CCDC7: variants seen among roughly 807,000 people sequenced by gnomAD.
CCDC7 encodes the protein coiled-coil domain-containing protein 7.
A neutral mutation model predicts 196.9 loss-of-function variants in CCDC7; 183 were observed. The observed-to-expected ratio is 0.93, with a 90% CI of 0.82 to 1.05. CCDC7 has a LOEUF of 1.05. CCDC7 is among the 50% of genes least tolerant of loss of function. CCDC7 has a pLI of 0.00. For synonymous variants in CCDC7, 525 were observed against 484.6 expected, an observed-to-expected ratio of 1.08 and a Z score of -1.10; for missense variants, 1,540 against 1,482.2, an observed-to-expected ratio of 1.04 and a Z score of -0.64.
chr10:32,650,514 A>G (rs2068557745), intron 20 of CCDC7, among the ~76,000 whole-genome samples: 1 of 152,114 alleles, frequency 6.6e-6, no homozygotes, highest in African/African-American at 2.4e-5. Context: ...TGGTGGTTAG[A>G]TCTTTTGGGC....
chr10:32,698,617 A>G (rs955469511), intron 24 of CCDC7, among the ~76,000 whole-genome samples: 1 of 151,810 alleles, frequency 6.6e-6, no homozygotes, highest in Admixed American at 6.6e-5. Context: ...ATTGAAGATC[A>G]AATGAATGAA....
chr10:32,849,373 C>A (rs551752098), intron 39 of CCDC7, among the ~76,000 whole-genome samples: 1 of 151,856 alleles, frequency 6.6e-6, no homozygotes, highest in African/African-American at 2.4e-5. Context: ...GTAGAGTGGG[C>A]CCATTCAGTA....
chr10:32,650,895 T>C (rs78207739), intron 20 of CCDC7, among the ~76,000 whole-genome samples: 11,478 of 152,190 alleles, frequency 0.075, 524 homozygotes, highest in East Asian at 0.16. Flanking sequence ...TACATTCTCT[T>C]ACGGGACAGT....
At chr10:32,640,396 G>A (rs1376627257) in intron 20 of CCDC7, among the ~76,000 whole-genome samples, 3 of 152,082 alleles carry the variant, frequency 2.0e-5, no homozygotes, top group Admixed American at 6.5e-5. Context: ...TTGAGCCTAT[G>A]TGTGTCTCTG....
intron 24 of CCDC7, among the ~76,000 whole-genome samples, chr10:32,710,266 T>A (rs2080600377): frequency 6.6e-6 from 1 of 152,216 alleles, no homozygotes; most frequent in Non-Finnish European, 1.5e-5. Flanking sequence ...CAAAGGGCTC[T>A]CCATTCGTTT....
chr10:32,513,608 A>G (rs1222504950), intron 9 of CCDC7: 2 of 152,168 alleles, frequency 1.3e-5, no homozygotes, highest in Non-Finnish European at 2.9e-5. Context: ...TTACCAAAAT[A>G]CTAGCAAACT....
At chr10:32,563,998 G>A (rs1165377758) in intron 13 of CCDC7, among the ~76,000 whole-genome samples, 1 of 152,058 alleles carries the variant, frequency 6.6e-6, no homozygotes, top group African/African-American at 2.4e-5. Flanking sequence ...AAGGACATGA[G>A]CAGACACTTC....
At chr10:32,568,832 A>G (rs1046826858) in intron 15 of CCDC7, among the ~76,000 whole-genome samples, 23 of 152,352 alleles carry the variant, frequency 1.5e-4, no homozygotes, top group African/African-American at 5.1e-4. Flanking sequence ...GCCATGCCGC[A>G]TTACAGTGAG....
At chr10:32,639,950 T>G (rs2066418579) in intron 20 of CCDC7, among the ~76,000 whole-genome samples, 1 of 152,174 alleles carries the variant, frequency 6.6e-6, no homozygotes, top group South Asian at 2.1e-4. Flanking sequence ...TAAGGAGTGC[T>G]TTACTTGCAA....
intron 8 of CCDC7, among the ~76,000 whole-genome samples, chr10:32,480,178 A>G (rs1413426519): frequency 6.6e-6 from 1 of 151,864 alleles, no homozygotes; most frequent in Non-Finnish European, 1.5e-5. Context: ...TGATTTTTCT[A>G]GTCTCTATTT....
At chr10:32,485,401 C>A (rs1349939562) in intron 8 of CCDC7, among the ~76,000 whole-genome samples, 1 of 152,082 alleles carries the variant, frequency 6.6e-6, no homozygotes, top group Admixed American at 6.6e-5. Context: ...CTTTATTAGT[C>A]TTGCTAGTGG....
chr10:32,773,398 T>C (rs2079474310), intron 28 of CCDC7, among the ~76,000 whole-genome samples: 1 of 152,164 alleles, frequency 6.6e-6, no homozygotes, highest in Admixed American at 6.5e-5. Flanking sequence ...AATTGTATAA[T>C]TTCATATGTT....
intron 41 of CCDC7, among the ~76,000 whole-genome samples, chr10:32,865,831 C>CA (rs1210048856): frequency 4.0e-5 from 6 of 151,704 alleles, no homozygotes; most frequent in African/African-American, 1.5e-4. Context: ...TTCAAGCAAA[C>CA]AAGCAAACAC....
chr10:32,728,701 G>A lies in CCDC7; in HGVS notation c.2669-186G>A, dbSNP rs977656035. Among the ~76,000 whole-genome samples the A allele has an allele frequency of 2.0e-5, 3 of 152,072 alleles. No individual in the cohort carries two copies. The South Asian group carries it at 6.2e-4, about 31-fold the overall frequency. Reference sequence around the variant, plus strand: ...GAGACCAATATAAACTTTATTTGATGCTTCAGAATATTTATGAAATAATGG... The same window carrying A: ...GAGACCAATATAAACTTTATTTGATACTTCAGAATATTTATGAAATAATGG... On this transcript the variant is annotated intron_variant, in intron 26 of 41. Coordinates refer to ENST00000639629, the Ensembl canonical transcript of CCDC7.
At chr10:32,584,405 C>A in intron 18 of CCDC7, 101 bp downstream of exon 19, 1 of 750,004 alleles carries the variant, frequency 1.3e-6, no homozygotes, top group Non-Finnish European at 2.1e-6. Context: ...ATTAAATATA[C>A]AAACAACTTG....
intron 18 of CCDC7, among the ~76,000 whole-genome samples, chr10:32,600,396 G>T (rs2060871051): frequency 1.3e-5 from 2 of 151,474 alleles, no homozygotes; most frequent in African/African-American, 4.9e-5. Context: ...ACTGATTTGT[G>T]TACACTGATT....
At chr10:32,874,069 G>A (rs889733392) in intron 41 of CCDC7, among the ~76,000 whole-genome samples, 2 of 150,976 alleles carry the variant, frequency 1.3e-5, no homozygotes, top group Non-Finnish European at 3.0e-5. Flanking sequence ...CTAGTCTCAA[G>A]CATTTTGTAT....
chr10:32,594,312 T>C (rs1416852309), intron 18 of CCDC7, among the ~76,000 whole-genome samples: 3 of 152,220 alleles, frequency 2.0e-5, no homozygotes, highest in Non-Finnish European at 4.4e-5. Context: ...TTTGAAGCAA[T>C]TGTGAATGGG....
intron 18 of CCDC7, among the ~76,000 whole-genome samples, chr10:32,621,320 AG>A: frequency 6.6e-6 from 1 of 152,290 alleles, no homozygotes; most frequent in East Asian, 1.9e-4. Context: ...CTGTTTTCAA[AG>A]ACTTTTTTGT....
Sources: gnomAD v4.1 joint callset for allele counts (sites outside exome capture counted in the v4.1 genomes callset) on GRCh38, gnomAD v4.1.1 for gene constraint, MANE v1.5 for transcripts, NCBI Gene and HGNC (gene_info 2026-07-23, HGNC 2026-07-21) for gene names.